The following SLC22A16 variants were observed in gnomAD, a reference collection of about 807,000 sequenced individuals.
SLC22A16 encodes solute carrier family 22 member 16.
In SLC22A16, 53 loss-of-function variants were observed where a neutral mutation model predicts 52.9. The observed-to-expected ratio is 1.00, with a 90% CI of 0.80 to 1.26. SLC22A16 has a LOEUF of 1.26. SLC22A16 is among the 50% of genes most tolerant of loss of function. The pLI is 0.00. For missense variants in SLC22A16, 726 were observed against 704.0 expected, an observed-to-expected ratio of 1.03 and a Z score of -0.35; for synonymous variants, 291 against 268.8, an observed-to-expected ratio of 1.08 and a Z score of -0.81.
chr6:110,442,589 G>T lies in SLC22A16; in HGVS notation c.838C>A (p.Pro280Thr). ...AGCACCCAACAGCACAGGATAAAGGGGACAGTCACTGTGGAGAGGATCATC... is the reference window on the plus strand; with the variant it reads ...AGCACCCAACAGCACAGGATAAAGGTGACAGTCACTGTGGAGAGGATCATC... Reference protein sequence around the residue: ...YQMILSTVTVPFILCCWVLPE... With the variant: ...YQMILSTVTVTFILCCWVLPE... The change falls in exon 4 of 8, where the codon CCC becomes ACC. Residue 280 changes from proline (P) to threonine (T), a missense_variant. Physicochemically the swap from Pro to Thr is conservative, Grantham distance 38. Transcript: ENST00000368919. 1.2e-6 allele frequency: 2 copies of T among 1,614,118 alleles called. No homozygotes were observed.
chr6:110,438,522 C>T (rs1774827420), intron 5 of SLC22A16, among the ~76,000 whole-genome samples, 198 bp downstream of exon 5: 1 of 151,332 alleles, frequency 6.6e-6, no homozygotes, highest in Non-Finnish European at 1.5e-5. Context: ...ACATTTTTCT[C>T]TTCAAATTTT....
intron 6 of SLC22A16, among the ~76,000 whole-genome samples, chr6:110,434,043 C>T (rs563985045): frequency 6.6e-6 from 1 of 152,214 alleles, no homozygotes; most frequent in African/African-American, 2.4e-5. Context: ...GAGTTTGAGA[C>T]CAGCCTGGCC....
At chr6:110,451,990 C>A (rs1367341190) in intron 2 of SLC22A16, among the ~76,000 whole-genome samples, 1 of 152,182 alleles carries the variant, frequency 6.6e-6, no homozygotes, top group Non-Finnish European at 1.5e-5. Context: ...TATAGCTAGA[C>A]ATCTGTCCCA....
At chr6:110,454,942 A>G (rs1211415573) in intron 2 of SLC22A16, among the ~76,000 whole-genome samples, 3 of 95,752 alleles carry the variant, frequency 3.1e-5, no homozygotes, top group African/African-American at 8.3e-5. Context: ...AATATATATA[A>G]TATATAAATA....
chr6:110,453,567 G>A (rs1775466003), intron 2 of SLC22A16: 2 of 453,566 alleles, frequency 4.4e-6, no homozygotes, highest in South Asian at 1.6e-5. Context: ...CTTTGTCTCA[G>A]GTCCTCTAAT....
At chr6:110,435,436 C>T (rs1017653638) in intron 6 of SLC22A16, among the ~76,000 whole-genome samples, 2 of 152,160 alleles carry the variant, frequency 1.3e-5, no homozygotes, top group Non-Finnish European at 2.9e-5. Context: ...TGTTCTTGGA[C>T]TTCCAGCCTC....
intron 4 of SLC22A16, 92 bp from the exon 5 acceptor site, chr6:110,438,939 CA>C: frequency 6.7e-7 from 1 of 1,492,474 alleles, no homozygotes; most frequent in Non-Finnish European, 9.1e-7. Context: ...AAGGCATGAG[CA>C]GCCCTCTCCT....
In SLC22A16 at chr6:110,446,898, A is replaced by C; in HGVS notation, c.626T>G (p.Met209Arg). 6.2e-7 allele frequency: 1 copy of C among 1,613,644 alleles called. No individual in the cohort carries two copies. The highest frequency in any genetic ancestry group is 8.5e-7 in the Non-Finnish European group (1 of 1,179,812). Reference protein sequence around the residue: ...AAFAVDYYTFMAARFFLAMVA... With the variant: ...AAFAVDYYTFRAARFFLAMVA... ...CATGGCAAGAAAAAAGCGAGCAGCC[A>C]TGAAGGTGTAATAATCAACTGCAAA... Residue 209 changes from methionine (M) to arginine (R), a missense_variant, in exon 3 of 8, where the codon ATG becomes AGG. Coordinates refer to ENST00000368919, the MANE Select transcript of SLC22A16 (RefSeq NM_033125.4).
rs150577802 is a variant in SLC22A16, at chr6:110,425,462, C to T, written c.1522-377G>A. 8 of 1,278,296 alleles carry T rather than the reference C, an allele frequency of 6.3e-6. No homozygotes were observed. In the African/African-American group the frequency reaches 9.2e-5, roughly 15 times the overall value. 79.2% of individuals were successfully genotyped at this position (1,278,296 alleles called of 1,614,324 possible). ...TGTGGAGAAGACAAGTAACTGAGCC[C>T]TGGGTCAGGACATGCCAAGCAGGGA... On this transcript the variant is annotated intron_variant, in intron 7 of 7. Transcript: ENST00000368919.
At chr6:110,475,945 T>C (rs1422478098) in intron 1 of SLC22A16, 1 of 456,440 alleles carries the variant, frequency 2.2e-6, no homozygotes, top group African/African-American at 2.0e-5. Flanking sequence ...AACACCTCCT[T>C]TGCAGGGTCC....
intron 1 of SLC22A16, among the ~76,000 whole-genome samples, chr6:110,458,262 C>T (rs1775743944): frequency 6.6e-6 from 1 of 152,164 alleles, no homozygotes; most frequent in African/African-American, 2.4e-5. Context: ...CACTCTTTAC[C>T]CTGCCCCCAT....
intron 6 of SLC22A16, among the ~76,000 whole-genome samples, chr6:110,434,977 C>T (rs929274278): frequency 2.0e-5 from 3 of 151,312 alleles, no homozygotes; most frequent in East Asian, 1.9e-4. Context: ...GACTCCATCT[C>T]GAAAAAAGAA....
intron 1 of SLC22A16, among the ~76,000 whole-genome samples, chr6:110,469,347 A>C (rs758110774): frequency 6.6e-6 from 1 of 152,154 alleles, no homozygotes; most frequent in African/African-American, 2.4e-5. Flanking sequence ...ACTCCTGGTG[A>C]AACCCCATCT....
At chr6:110,474,292 G>A (rs1776382319) in intron 1 of SLC22A16, among the ~76,000 whole-genome samples, 1 of 152,076 alleles carries the variant, frequency 6.6e-6, no homozygotes, top group Non-Finnish European at 1.5e-5. Flanking sequence ...ACCAGTCCCT[G>A]GTGCTAAAAA....
At chr6:110,461,899 C>T (rs1437208962) in intron 1 of SLC22A16, among the ~76,000 whole-genome samples, 1 of 152,176 alleles carries the variant, frequency 6.6e-6, no homozygotes, top group Non-Finnish European at 1.5e-5. Flanking sequence ...TGTCCAATTT[C>T]ATGCTGCTGA....
intron 1 of SLC22A16, among the ~76,000 whole-genome samples, chr6:110,474,742 G>C (rs758882716): frequency 2.0e-5 from 3 of 152,254 alleles, no homozygotes; most frequent in Non-Finnish European, 2.9e-5. Flanking sequence ...GGATGACAGA[G>C]CTGTCCCACC....
Position 110,442,486 on chromosome 6 carries a change from C to A in SLC22A16, c.941G>T (p.Trp314Leu). The A allele has an allele frequency of 6.2e-7, 1 of 1,614,174 alleles. No individual in the cohort carries two copies. The highest frequency in any genetic ancestry group is 8.5e-7 in the Non-Finnish European group (1 of 1,180,030). The change falls in exon 4 of 8, where the codon TGG (tryptophan) becomes TTG (leucine). Residue 314 changes from tryptophan to leucine, a missense_variant. Coordinates refer to ENST00000368919, the MANE Select transcript of SLC22A16 (RefSeq NM_033125.4). ...AQKIVDIMAK[W>L]NRASSCKLSE... ...CAGTTTACAGGAGCTTGCCCTGTTC[C>A]ACTTGGCCATGATGTCAACTATTTT...
rs1562272333 is a variant in SLC22A16, at chr6:110,424,825, C to CTAAT, written c.*47_*48insATTA. On this transcript the variant is annotated 3_prime_UTR_variant, in exon 8 of 8. Transcript: ENST00000368919. ...GAATAAGATTCCTCTAATACAAAGG[C>CTAAT]ATTAGGGTAAATAATATTTCAGGTG... 1 of 1,598,360 alleles carries CTAAT rather than the reference C, an allele frequency of 6.3e-7. No individual in the cohort carries two copies. The highest frequency in any genetic ancestry group is 8.6e-7 in the Non-Finnish European group (1 of 1,166,644).
Position 110,424,767 on chromosome 6 carries a change from TA to T in SLC22A16, c.*105del. On this transcript the variant is annotated 3_prime_UTR_variant, in exon 8 of 8. Transcript: ENST00000368919. ...TTTAAAATTTTCTTACAAAATTTAT[TA>T]AAAAGACATACAAACAACATATGGG... The T allele has an allele frequency of 7.9e-7, 1 of 1,264,778 alleles. No homozygotes were observed. The highest frequency in any genetic ancestry group is 1.1e-6 in the Non-Finnish European group (1 of 922,084). The allele number at this position is 1,264,778 out of a possible 1,614,324, so 78.3% of individuals were successfully genotyped here.
Sources: allele counts gnomAD v4.1 joint callset (sites outside exome capture counted in the v4.1 genomes callset), GRCh38; gene constraint gnomAD v4.1.1; transcripts MANE v1.5; gene names NCBI Gene and HGNC (gene_info 2026-07-23, HGNC 2026-07-21).